The following PRR16 variants were observed in gnomAD, a reference collection of about 807,000 sequenced individuals.
PRR16 encodes protein Largen.
PRR16 carries 6 observed loss-of-function variants against 18.2 expected under a neutral mutation model. The observed-to-expected ratio is 0.33, with a 90% CI of 0.18 to 0.65. PRR16 has a LOEUF of 0.65. Ranked by LOEUF, PRR16 falls within the 30% of genes least tolerant of loss-of-function variation. The pLI is 0.74. For synonymous variants in PRR16, 151 were observed against 147.8 expected (o/e 1.02, Z -0.16); for missense variants, 412 against 376.6 (o/e 1.09, Z -0.78).
chr5:120,544,812 C>T (rs886450971), intron 1 of PRR16, among the ~76,000 whole-genome samples: 1 of 151,920 alleles, frequency 6.6e-6, no homozygotes, highest in African/African-American at 2.4e-5. Flanking sequence ...TTACAGGTGT[C>T]AGCCACCACA....
chr5:120,488,277 T>C (rs9686075), intron 1 of PRR16, among the ~76,000 whole-genome samples: 152,267 of 152,268 alleles, frequency 1, 76,133 homozygotes, highest in Non-Finnish European at 1. Flanking sequence ...CCATCTGGTC[T>C]TAGACTTTTT....
At chr5:120,752,557 A>G in the PRR16 span, among the ~76,000 whole-genome samples, 1 of 152,062 alleles carries the variant, frequency 6.6e-6, no homozygotes, top group Non-Finnish European at 1.5e-5. Context: ...AGAAAAGGGA[A>G]AATAAGATTT....
Position 120,638,816 on chromosome 5 carries a change from AT to A in PRR16, c.160-47136del, listed in dbSNP as rs568214221. 9.9e-5 allele frequency among the ~76,000 whole-genome samples: 15 copies of A among 152,170 alleles called. No homozygotes were observed. In the East Asian group the frequency reaches 2.5e-3, roughly 26 times the overall value. ...TTTGATTTATCTCTCTGTTTTTCTG[AT>A]TGGGAAGAAAAGGGAAAAATTTTCT... On this transcript the variant is annotated intron_variant, in intron 1 of 1. Coordinates refer to ENST00000407149, the MANE Select transcript of PRR16 (RefSeq NM_001300783.2).
intron 1 of PRR16, among the ~76,000 whole-genome samples, chr5:120,547,472 G>A (rs1752109551): frequency 6.6e-6 from 1 of 152,004 alleles, no homozygotes; most frequent in Non-Finnish European, 1.5e-5. Context: ...AAGGTTGGCT[G>A]AGTCTCTCTA....
chr5:120,652,220 G>T (rs74810740), intron 1 of PRR16, among the ~76,000 whole-genome samples: 1 of 151,748 alleles, frequency 6.6e-6, no homozygotes, highest in Non-Finnish European at 1.5e-5. Flanking sequence ...AGAAATATTT[G>T]CAATGGTGTC....
At chr5:120,526,242 C>A (rs1185361420) in intron 1 of PRR16, among the ~76,000 whole-genome samples, 1 of 152,102 alleles carries the variant, frequency 6.6e-6, no homozygotes, top group Non-Finnish European at 1.5e-5. Flanking sequence ...AGACTTTTTC[C>A]TTTTCATACA....
intron 1 of PRR16, among the ~76,000 whole-genome samples, chr5:120,576,349 C>G (rs924884389): frequency 1.3e-5 from 2 of 152,066 alleles, no homozygotes; most frequent in African/African-American, 4.8e-5. Flanking sequence ...GAAAACTGGA[C>G]AGCAGTTCCT....
chr5:120,691,416 A>G (rs989216808), downstream of PRR16, among the ~76,000 whole-genome samples: 2 of 152,294 alleles, frequency 1.3e-5, no homozygotes. Flanking sequence ...GAATAATGAA[A>G]GCTTCATTTT....
At chr5:120,490,351 C>G in intron 1 of PRR16, among the ~76,000 whole-genome samples, 1 of 152,120 alleles carries the variant, frequency 6.6e-6, no homozygotes, top group East Asian at 1.9e-4. Flanking sequence ...TTGTTCGTTT[C>G]TTTTTATTCT....
At chr5:120,715,124 G>A in the PRR16 span, among the ~76,000 whole-genome samples, 1 of 151,778 alleles carries the variant, frequency 6.6e-6, no homozygotes, top group Admixed American at 6.6e-5. Flanking sequence ...AAAAGTCGTA[G>A]CCATAGCCAA....
At chr5:120,589,954 T>A (rs1037415635) in intron 1 of PRR16, among the ~76,000 whole-genome samples, 13 of 152,076 alleles carry the variant, frequency 8.5e-5, no homozygotes, top group African/African-American at 2.7e-4. Flanking sequence ...CTGAGAGTAG[T>A]TTTCCCTTAA....
chr5:120,678,070 T>C (rs1028495389), intron 1 of PRR16, among the ~76,000 whole-genome samples: 1 of 152,026 alleles, frequency 6.6e-6, no homozygotes, highest in East Asian at 1.9e-4. Flanking sequence ...CCACCACGCC[T>C]GGCTAATTTT....
At chr5:120,486,737 A>G (rs1396452941) in intron 1 of PRR16, among the ~76,000 whole-genome samples, 1 of 152,038 alleles carries the variant, frequency 6.6e-6, no homozygotes, top group Non-Finnish European at 1.5e-5. Context: ...TCTGTCCTGA[A>G]TGGTATTGCC....
chr5:120,686,641 G>A lies in PRR16; in HGVS notation c.847G>A (p.Val283Met). The change falls in exon 2 of 2, where the codon GTG becomes ATG. Residue 283 changes from valine (V) to methionine (M), a missense_variant. By Grantham distance (21) the Val-to-Met change is conservative. Transcript: ENST00000407149. ...NSFPPIRPAT[V>M]PPPTAPKPQK... Reference sequence around the variant, plus strand: ...CTTCCCCCCTATCAGACCTGCAACTGTGCCTCCTCCCACTGCACCAAAACC... The same window carrying A: ...CTTCCCCCCTATCAGACCTGCAACTATGCCTCCTCCCACTGCACCAAAACC... The A allele has an allele frequency of 6.2e-6, 10 of 1,600,438 alleles. No homozygotes were observed. Among genetic ancestry groups the A allele is most frequent in the Non-Finnish European group, 8.5e-6 (10 of 1,172,002 alleles).
intron 1 of PRR16, among the ~76,000 whole-genome samples, chr5:120,575,213 G>A (rs919290563): frequency 1.3e-5 from 2 of 151,914 alleles, no homozygotes; most frequent in Non-Finnish European, 2.9e-5. Context: ...ATGGATAAAT[G>A]AGGACTGATG....
chr5:120,792,564 T>C, the PRR16 span, among the ~76,000 whole-genome samples: 3 of 152,198 alleles, frequency 2.0e-5, no homozygotes, highest in Non-Finnish European at 4.4e-5. Flanking sequence ...CCAATGTAGA[T>C]AATCTTCACT....
chr5:120,565,546 A>C lies in PRR16; in HGVS notation c.159+100901A>C, dbSNP rs76411630. Among the ~76,000 whole-genome samples the C allele has an allele frequency of 3.6e-3, 554 of 152,340 alleles. 3 individuals carry two copies. The highest frequency in any genetic ancestry group is 0.012 in the African/African-American group (517 of 41,590). ...GTTTGATTGAATTTCTAATTCATCA[A>C]AAGGTGACCTGGAAAAATCATACAT... On this transcript the variant is annotated intron_variant, in intron 1 of 1. Coordinates refer to ENST00000407149, the MANE Select transcript of PRR16 (RefSeq NM_001300783.2).
At chr5:120,721,524 G>A in the PRR16 span, among the ~76,000 whole-genome samples, 14 of 151,964 alleles carry the variant, frequency 9.2e-5, no homozygotes, top group Non-Finnish European at 1.5e-5. Flanking sequence ...TATGAACTTT[G>A]GAGTCAGAGA....
At chr5:120,717,832 T>C in the PRR16 span, among the ~76,000 whole-genome samples, 1 of 152,190 alleles carries the variant, frequency 6.6e-6, no homozygotes. Context: ...ACGAAAACTT[T>C]ATAAACAACT....
Sources: allele counts gnomAD v4.1 joint callset (sites outside exome capture counted in the v4.1 genomes callset), GRCh38; gene constraint gnomAD v4.1.1; transcripts MANE v1.5; gene names NCBI Gene and HGNC (gene_info 2026-07-23, HGNC 2026-07-21).